The following SNTG1 variants were observed in gnomAD, a reference collection of about 807,000 sequenced individuals.
SNTG1 encodes the protein syntrophin gamma 1.
SNTG1 carries 39 observed loss-of-function variants against 74.7 expected under a neutral mutation model. The observed-to-expected ratio is 0.52, with a 90% confidence interval of 0.40 to 0.68. The LOEUF (loss-of-function observed/expected upper bound fraction) is 0.68, where lower values mean the gene tolerates loss of function less well. SNTG1 is among the 30% of genes least tolerant of loss of function. SNTG1 has a pLI of 0.00. For missense variants in SNTG1, 685 were observed against 609.5 expected (o/e 1.12, Z -1.30); for synonymous variants, 254 against 217.1 (o/e 1.17, Z -1.49).
At chr8:49,998,514 C>T (rs867332315) in intron 1 of SNTG1, among the ~76,000 whole-genome samples, 1 of 151,310 alleles carries the variant, frequency 6.6e-6, no homozygotes. Flanking sequence ...TTTTTAATAT[C>T]TTTACTATAC....
chr8:49,999,206 T>C (rs534849401), intron 1 of SNTG1, among the ~76,000 whole-genome samples: 1 of 152,284 alleles, frequency 6.6e-6, no homozygotes, highest in South Asian at 2.1e-4. Flanking sequence ...TACTTGATTT[T>C]TCCTCTCAAA....
intron 15 of SNTG1, among the ~76,000 whole-genome samples, chr8:50,694,238 C>T (rs1468293147): frequency 6.6e-6 from 1 of 150,868 alleles, no homozygotes; most frequent in Non-Finnish European, 1.5e-5. Context: ...TAAATAAAAC[C>T]AGGGATTAAA....
intron 15 of SNTG1, among the ~76,000 whole-genome samples, chr8:50,660,405 G>GA (rs1563708443): frequency 0.022 from 265 of 11,786 alleles, 5 homozygotes; most frequent in African/African-American, 0.05. Flanking sequence ...AAAAGAGAAA[G>GA]AAAGAAAAGA....
chr8:50,121,645 G>T (rs1250092906), intron 1 of SNTG1, among the ~76,000 whole-genome samples: 1 of 141,980 alleles, frequency 7.0e-6, no homozygotes, highest in Non-Finnish European at 1.6e-5. Context: ...AGGAGAATTT[G>T]TTGAGGATTT....
chr8:50,665,377 T>C (rs1006024983), intron 15 of SNTG1, among the ~76,000 whole-genome samples: 2 of 152,056 alleles, frequency 1.3e-5, no homozygotes, highest in African/African-American at 4.8e-5. Flanking sequence ...ATTAGAAATA[T>C]TGGTATGCAG....
intron 15 of SNTG1, among the ~76,000 whole-genome samples, chr8:50,667,379 G>A (rs1429733775): frequency 6.6e-6 from 1 of 152,022 alleles, no homozygotes; most frequent in Non-Finnish European, 1.5e-5. Context: ...AGTCTGAGTA[G>A]TTAATAAGGA....
At chr8:50,003,563 A>T (rs539602027) in intron 1 of SNTG1, among the ~76,000 whole-genome samples, 3 of 152,264 alleles carry the variant, frequency 2.0e-5, no homozygotes, top group South Asian at 2.1e-4. Context: ...TAATTATGGA[A>T]TTTTTTGTCT....
intron 2 of SNTG1, among the ~76,000 whole-genome samples, chr8:50,230,493 C>T (rs2085560731): frequency 6.6e-6 from 1 of 151,298 alleles, no homozygotes; most frequent in African/African-American, 2.4e-5. Context: ...CAAACTACCT[C>T]AACTTGTCCA....
At chr8:50,226,388 T>C (rs1419609309) in intron 2 of SNTG1, among the ~76,000 whole-genome samples, 1 of 152,176 alleles carries the variant, frequency 6.6e-6, no homozygotes, top group African/African-American at 2.4e-5. Flanking sequence ...TCTGTATCTG[T>C]AAAGAATCTC....
rs200299603 is a variant in SNTG1, at chr8:50,704,696, G to T, written c.1135G>T (p.Ala379Ser). 1.2e-6 allele frequency: 2 copies of T among 1,614,102 alleles called. No homozygotes were observed. The highest frequency in any genetic ancestry group is 2.2e-5 in the East Asian group (1 of 44,856). Residue 379 changes from alanine (A) to serine (S), a missense_variant, in exon 16 of 19, where the codon GCC becomes TCC. Ala to Ser is a moderately conservative substitution (Grantham distance 99, BLOSUM62 1). Coordinates refer to ENST00000642720, the MANE Select transcript of SNTG1 (RefSeq NM_018967.5). ...CTCAGTGGAGCTGGAAAGTGACCTCGCCCAGTGGGAAAGAGCCTTCCAGAC... is the reference window on the plus strand; with the variant it reads ...CTCAGTGGAGCTGGAAAGTGACCTCTCCCAGTGGGAAAGAGCCTTCCAGAC... ...YFSVELESDL[A>S]QWERAFQTAT...
intron 1 of SNTG1, among the ~76,000 whole-genome samples, chr8:49,975,321 A>G (rs927114824): frequency 6.6e-6 from 1 of 152,146 alleles, no homozygotes; most frequent in African/African-American, 2.4e-5. Context: ...GATTTCTGGA[A>G]TTTCTTAGAA....
chr8:50,423,576 G>A (rs993062512), intron 4 of SNTG1, among the ~76,000 whole-genome samples: 2 of 152,114 alleles, frequency 1.3e-5, no homozygotes, highest in African/African-American at 2.4e-5. Context: ...TTCATTCAAA[G>A]GCCATAGCAG....
chr8:50,609,417 T>C (rs1221117357), intron 13 of SNTG1, among the ~76,000 whole-genome samples: 1 of 152,152 alleles, frequency 6.6e-6, no homozygotes, highest in African/African-American at 2.4e-5. Context: ...GTTACACATA[T>C]TGATACTTTC....
At chr8:50,395,788 G>A (rs1260688237) in intron 3 of SNTG1, among the ~76,000 whole-genome samples, 1 of 152,160 alleles carries the variant, frequency 6.6e-6, no homozygotes, top group Non-Finnish European at 1.5e-5. Context: ...TGGGATTACA[G>A]GCGTGAGCCA....
chr8:50,241,790 T>G (rs936076214), intron 2 of SNTG1, among the ~76,000 whole-genome samples: 1 of 152,112 alleles, frequency 6.6e-6, no homozygotes, highest in African/African-American at 2.4e-5. Flanking sequence ...ATAATGAACT[T>G]TACAATTATG....
At chr8:50,310,638 A>G (rs1238891616) in intron 2 of SNTG1, among the ~76,000 whole-genome samples, 1 of 152,222 alleles carries the variant, frequency 6.6e-6, no homozygotes, top group Non-Finnish European at 1.5e-5. Context: ...CAATGAGCCG[A>G]GACCATGCCA....
chr8:50,190,283 GT>G, intron 2 of SNTG1, among the ~76,000 whole-genome samples: 1 of 152,192 alleles, frequency 6.6e-6, no homozygotes, highest in East Asian at 1.9e-4. Flanking sequence ...AAATACAGCT[GT>G]TAACCATATT....
At chr8:50,353,915 C>T (rs534700267) in intron 2 of SNTG1, among the ~76,000 whole-genome samples, 2 of 152,196 alleles carry the variant, frequency 1.3e-5, no homozygotes, top group Non-Finnish European at 2.9e-5. Flanking sequence ...AGTATTTTAA[C>T]TGGTCTCAAA....
chr8:50,462,796 CTTTTTTTTTTTTTTTTTTTTTT>C (rs869119447), intron 8 of SNTG1, among the ~76,000 whole-genome samples: 8 of 57,474 alleles, frequency 1.4e-4, no homozygotes, highest in African/African-American at 4.1e-4. Context: ...AGGTTCTACT[CTTTTTTTTTTTTTTTTTTTTTT>C]TTTTTTTTTT....
Sources: allele counts gnomAD v4.1 joint callset (sites outside exome capture counted in the v4.1 genomes callset), GRCh38; gene constraint gnomAD v4.1.1; transcripts MANE v1.5; gene names NCBI Gene and HGNC (gene_info 2026-07-23, HGNC 2026-07-21).